FAM204A: variants seen among roughly 807,000 people sequenced by gnomAD.
The protein encoded by FAM204A is family with sequence similarity 204 member A, also known as protein FAM204A.
Under a neutral mutation model 35.4 loss-of-function variants are expected in FAM204A, and 16 were observed. That is an observed-to-expected ratio of 0.45 (90% confidence interval 0.31 to 0.69). FAM204A has a LOEUF of 0.69. FAM204A is among the 30% of genes least tolerant of loss of function. FAM204A has a pLI of 0.07. For missense variants in FAM204A, 240 were observed against 265.7 expected (o/e 0.90, Z 0.67); for synonymous variants, 76 against 86.9 (o/e 0.88, Z 0.70).
chr10:118,325,522 T>C (rs1333245586), intron 7 of FAM204A, among the ~76,000 whole-genome samples: 1 of 151,908 alleles, frequency 6.6e-6, no homozygotes, highest in Non-Finnish European at 1.5e-5. Context: ...GCAACAACAA[T>C]AATAACAAAA....
chr10:118,338,946 T>C (rs1846429589), intron 2 of FAM204A, among the ~76,000 whole-genome samples: 1 of 152,232 alleles, frequency 6.6e-6, no homozygotes, highest in Non-Finnish European at 1.5e-5. Flanking sequence ...TATATATTTT[T>C]AGCTCCTGCT....
intron 7 of FAM204A, chr10:118,322,385 A>G (rs1293603398): frequency 2.2e-6 from 1 of 456,416 alleles, no homozygotes; most frequent in Admixed American, 2.4e-5. Context: ...ACACTGAGAA[A>G]CACACAACAT....
intron 7 of FAM204A, among the ~76,000 whole-genome samples, chr10:118,320,352 C>T (rs1846093898): frequency 6.6e-6 from 1 of 151,536 alleles, no homozygotes; most frequent in Admixed American, 6.6e-5. Context: ...TAAATCTAGA[C>T]TTTAGCACTT....
chr10:118,311,379 T>A, intron 7 of FAM204A, 66 bp from the exon 8 acceptor site: 1 of 1,254,790 alleles, frequency 8.0e-7, no homozygotes, highest in Non-Finnish European at 1.1e-6. Flanking sequence ...TAATTACACT[T>A]ATACAAATAA....
At position 118,334,267 on chromosome 10, in the gene FAM204A, G is replaced by GTT. The variant is rs150600847; in HGVS notation, c.453+846_453+847insAA. Among the ~76,000 whole-genome samples, 171 of 152,020 alleles carry GTT rather than the reference G, an allele frequency of 1.1e-3. 3 individuals are homozygous for GTT. The East Asian group carries it at 0.03, about 27-fold the overall frequency. ...CTTTCCCTTCCCCAAATTTCTCTTC[G>GTT]TAACATCACTATCCACACCACTGCT... On this transcript the variant is annotated intron_variant, in intron 6 of 8. Transcript: ENST00000369183.
In FAM204A at chr10:118,299,402, T is replaced by TTG. The variant is rs1332937861; in HGVS notation, c.*11454_*11455insCA. 1.4e-5 allele frequency: 2 copies of TTG among 145,930 alleles called. No homozygotes were observed. Among genetic ancestry groups the TTG allele is most frequent in the African/African-American group, 5.2e-5 (2 of 38,322 alleles). 9.0% of individuals were successfully genotyped at this position (145,930 alleles called of 1,614,324 possible). On this transcript the variant is annotated 3_prime_UTR_variant, in exon 9 of 9. Coordinates refer to ENST00000369183, the MANE Select transcript of FAM204A (RefSeq NM_022063.3). Reference sequence around the variant, plus strand: ...TCTGCTTCCAGAAGGTTTTTTTTTTTTTTTTTTTTTTGAGACAGGGTCAGG... The same window carrying TTG: ...TCTGCTTCCAGAAGGTTTTTTTTTTTTGTTTTTTTTTTTGAGACAGGGTCAGG...
At chr10:118,335,455 C>G (rs775845244) in intron 4 of FAM204A, 29 bp from the exon 5 acceptor site, 1 of 1,597,386 alleles carries the variant, frequency 6.3e-7, no homozygotes, top group Non-Finnish European at 8.5e-7. Flanking sequence ...GTGTCAATAC[C>G]TAACTTCAGT....
chr10:118,323,369 GA>G (rs1293227600), intron 7 of FAM204A, among the ~76,000 whole-genome samples: 3 of 152,102 alleles, frequency 2.0e-5, no homozygotes, highest in African/African-American at 7.2e-5. Flanking sequence ...CACATTTCCA[GA>G]ATTGTTAAAG....
chr10:118,335,580 C>T lies in FAM204A; in HGVS notation c.296G>A (p.Gly99Glu), dbSNP rs1846370934. 2 of 1,611,418 alleles carry T rather than the reference C, an allele frequency of 1.2e-6. No individual in the cohort carries two copies. The highest frequency in any genetic ancestry group is 2.7e-5 in the African/African-American group (2 of 74,750). Residue 99 changes from glycine to glutamate, a missense_variant, in exon 4 of 9, where the codon GGG (glycine) becomes GAG (glutamate). By Grantham distance (98) the Gly-to-Glu change is moderately conservative. Coordinates refer to ENST00000369183, the MANE Select transcript of FAM204A (RefSeq NM_022063.3). ...TTTTCTGGAGCGTTTTCTTCTTTTC[C>T]CTCTGAATCTTGAGGTTGTGCTTTT... ...EQKSTTSRFR[G>E]KRRKRSRKDK...
intron 2 of FAM204A, among the ~76,000 whole-genome samples, chr10:118,339,717 C>G (rs1846444166): frequency 6.6e-6 from 1 of 152,086 alleles, no homozygotes; most frequent in African/African-American, 2.4e-5. Flanking sequence ...AATCCTTTTT[C>G]TCTCTATGGT....
rs1257804751 is a variant in FAM204A at position 118,301,470 on chromosome 10, G to A, written c.*9387C>T. 1 of 152,178 alleles carries A rather than the reference G, an allele frequency of 6.6e-6. No individual in the cohort carries two copies. Among genetic ancestry groups the A allele is most frequent in the Non-Finnish European group, 1.5e-5 (1 of 68,040 alleles). The allele number at this position is 152,178 out of a possible 1,614,324, so 9.4% of individuals were successfully genotyped here. On this transcript the variant is annotated 3_prime_UTR_variant, in exon 9 of 9. Coordinates refer to ENST00000369183, the MANE Select transcript of FAM204A (RefSeq NM_022063.3). ...CTGCATGACTTTCATTCAAGAACAG[G>A]AACTCTGAGTTAGGAAACCGAATCT...
rs936695397 is a variant in FAM204A, at chr10:118,312,149, C to A, written c.544-836G>T. 4.6e-5 allele frequency among the ~76,000 whole-genome samples: 7 copies of A among 152,216 alleles called. 1 individual carries two copies. In the East Asian group the frequency reaches 7.7e-4, roughly 17 times the overall value. On this transcript the variant is annotated intron_variant, in intron 7 of 8. Coordinates refer to ENST00000369183, the MANE Select transcript of FAM204A (RefSeq NM_022063.3). ...ATAAGCATTGTGATGGTATCTTCTACTTTTAGTGTGCTCTTAGTTTTAAAA... is the reference window on the plus strand; with the variant it reads ...ATAAGCATTGTGATGGTATCTTCTAATTTTAGTGTGCTCTTAGTTTTAAAA...
chr10:118,340,218 A>G (rs955920081), intron 2 of FAM204A, among the ~76,000 whole-genome samples: 3 of 152,198 alleles, frequency 2.0e-5, no homozygotes, highest in African/African-American at 4.8e-5. Context: ...ACATTCATAA[A>G]TAAGGTTGAG....
chr10:118,339,963 G>A (rs950153682), intron 2 of FAM204A, among the ~76,000 whole-genome samples: 1 of 152,150 alleles, frequency 6.6e-6, no homozygotes, highest in Non-Finnish European at 1.5e-5. Flanking sequence ...TTATTATTTA[G>A]CATACTTGGT....
intron 7 of FAM204A, among the ~76,000 whole-genome samples, chr10:118,315,342 C>T (rs901589587): frequency 2.6e-5 from 4 of 152,256 alleles, no homozygotes; most frequent in African/African-American, 9.6e-5. Flanking sequence ...CTGATTCAAA[C>T]CGCTTAATCT....
intron 6 of FAM204A, among the ~76,000 whole-genome samples, chr10:118,332,957 T>C (rs1160249531): frequency 2.0e-5 from 3 of 152,234 alleles, no homozygotes; most frequent in Non-Finnish European, 4.4e-5. Context: ...AATTATGTTA[T>C]GATTACAGAA....
At position 118,308,105 on chromosome 10, in the gene FAM204A, C is replaced by A. The variant is rs1162331470; in HGVS notation, c.*2752G>T. ...CCAAACAAGAATGCACTGCCAACTT[C>A]CCTTTCTCAGAACCAGTGCTGTAAA... On this transcript the variant is annotated 3_prime_UTR_variant, in exon 9 of 9. Coordinates refer to ENST00000369183, the MANE Select transcript of FAM204A (RefSeq NM_022063.3). 1.3e-5 allele frequency: 2 copies of A among 152,218 alleles called. No homozygotes were observed. The highest frequency in any genetic ancestry group is 4.8e-5 in the African/African-American group (2 of 41,464). 9.4% of individuals were successfully genotyped at this position (152,218 alleles called of 1,614,324 possible).
chr10:118,337,005 C>T (rs1846399244), intron 2 of FAM204A, among the ~76,000 whole-genome samples: 1 of 152,068 alleles, frequency 6.6e-6, no homozygotes, highest in East Asian at 1.9e-4. Context: ...ATACTGTTTG[C>T]TAAAATAATA....
intron 7 of FAM204A, among the ~76,000 whole-genome samples, chr10:118,314,413 T>A (rs1845998645): frequency 6.6e-6 from 1 of 152,168 alleles, no homozygotes; most frequent in South Asian, 2.1e-4. Context: ...AATGAACGTG[T>A]CTCACTTATT....
Sources: allele counts gnomAD v4.1 joint callset (sites outside exome capture counted in the v4.1 genomes callset), GRCh38; gene constraint gnomAD v4.1.1; transcripts MANE v1.5; gene names NCBI Gene and HGNC (gene_info 2026-07-23, HGNC 2026-07-21).